Variants in MAGEB6B observed in about 807,000 individuals in gnomAD.
MAGEB6B encodes the protein MAGE family member B6B, also known as melanoma-associated antigen B6B.
For missense variants in MAGEB6B, 277 were observed against 251.5 expected (o/e 1.10, Z -0.69); for synonymous variants, 107 against 102.3 (o/e 1.05, Z -0.27).
In MAGEB6B at chrX:26,161,111, A is replaced by C. The variant is rs754856513; in HGVS notation, c.511A>C (p.Lys171Gln). 419 of 1,020,079 alleles carry C rather than the reference A, an allele frequency of 4.1e-4. 4 individuals carry two copies. In the East Asian group the frequency reaches 0.013, roughly 31 times the overall value. The allele number at this position is 1,020,079 out of a possible 1,213,427, so 84.1% of individuals were successfully genotyped here. A position where few individuals can be genotyped will look rare whatever the true frequency, so the allele number is the denominator to read the frequency against. Residue 171 changes from lysine to glutamine, a missense_variant, in exon 1 of 1, where the codon AAG (lysine) becomes CAG (glutamine). Physicochemically the swap from Lys to Gln is moderately conservative, Grantham distance 53. Transcript: ENST00000416929. ...AGGCTCAAAATCTGATGTGGCTGCC[A>C]AGGGTCAAGATGAGGAAAGTTTAAG... is the stretch of plus-strand genomic sequence containing the variant.
chrX:26,161,763 C>A, exon 1 of MAGEB6B: 1 of 1,210,924 alleles, frequency 8.3e-7, no homozygotes, highest in Non-Finnish European at 1.1e-6. Context: ...GGTTTATACC[C>A]ACATCTGTAT....
exon 1 of MAGEB6B, chrX:26,161,075 G>T (rs777085526): frequency 1.8e-6 from 2 of 1,122,266 alleles, no homozygotes; most frequent in Non-Finnish European, 2.5e-6. Context: ...CTCGCCTGAT[G>T]CAGATGTTTC....
chrX:26,161,073 A>T (rs1246081512), exon 1 of MAGEB6B: 3 of 1,120,641 alleles, frequency 2.7e-6, no homozygotes, highest in Non-Finnish European at 2.5e-6. Flanking sequence ...GGCTCGCCTG[A>T]TGCAGATGTT....
exon 1 of MAGEB6B, chrX:26,161,036 C>A (rs1022242206): frequency 2.9e-6 from 3 of 1,042,523 alleles, no homozygotes; most frequent in Non-Finnish European, 2.7e-6. Context: ...CTCTGTTCCT[C>A]AGGAGTCTCA....
chrX:26,161,927 T>G (rs1928696494), downstream of MAGEB6B: 3 of 803,985 alleles, frequency 3.7e-6, no homozygotes, highest in Admixed American at 8.4e-5. Context: ...TCGCTTTATG[T>G]TAGAAGAGAG....
chrX:26,160,897 T>G (rs1273037249), exon 1 of MAGEB6B: 1 of 603,101 alleles, frequency 1.7e-6, no homozygotes, highest in Non-Finnish European at 2.9e-6. Context: ...CCTCCCGTGA[T>G]GCCTCCGTTT....
downstream of MAGEB6B, among the ~76,000 whole-genome samples, chrX:26,162,241 A>C (rs1373101960): frequency 6.2e-5 from 7 of 112,266 alleles, no homozygotes; most frequent in Non-Finnish European, 1.3e-4. Context: ...ATAATAGAGA[A>C]GGGACTTTGA....
chrX:26,161,270 C>T (rs751620886), exon 1 of MAGEB6B: 5 of 668,092 alleles, frequency 7.5e-6, no homozygotes, highest in Non-Finnish European at 1.0e-5. Context: ...CATGCTGAAG[C>T]GTCTCCGCAG....
exon 1 of MAGEB6B, chrX:26,160,750 T>C (rs1208534648): frequency 2.8e-5 from 16 of 576,445 alleles, no homozygotes; most frequent in Non-Finnish European, 4.4e-5. Flanking sequence ...TTTGTCAGGG[T>C]GCTCGTCGTA....
chrX:26,160,864 T>A (rs1298186845), exon 1 of MAGEB6B: 1 of 610,245 alleles, frequency 1.6e-6, no homozygotes, highest in Non-Finnish European at 2.9e-6. Context: ...CTGCCATGGG[T>A]CAAGATGAGA....
exon 1 of MAGEB6B, chrX:26,161,219 CAGA>C (rs1425348972): frequency 4.0e-6 from 3 of 749,302 alleles, no homozygotes; most frequent in Non-Finnish European, 6.3e-6. Flanking sequence ...GCAATTCCTG[CAGA>C]AGAAGTTTGA....
exon 1 of MAGEB6B, chrX:26,160,893 G>T: frequency 1.7e-6 from 1 of 601,685 alleles, no homozygotes; most frequent in Non-Finnish European, 2.9e-6. Flanking sequence ...AGTACCTCCC[G>T]TGATGCCTCC....
downstream of MAGEB6B, among the ~76,000 whole-genome samples, chrX:26,162,322 G>T (rs1450671837): frequency 8.9e-6 from 1 of 112,147 alleles, no homozygotes; most frequent in African/African-American, 3.2e-5. Context: ...AGGAAAAACA[G>T]AAATGTAAAA....
chrX:26,162,276 T>TA (rs1928701410), downstream of MAGEB6B, among the ~76,000 whole-genome samples: 1 of 112,174 alleles, frequency 8.9e-6, no homozygotes, highest in Non-Finnish European at 1.9e-5. Flanking sequence ...AACTCCACAG[T>TA]AAAATAGTTG....
exon 1 of MAGEB6B, chrX:26,161,143 C>G: frequency 1.2e-6 from 1 of 851,795 alleles, no homozygotes; most frequent in Middle Eastern, 2.7e-4. Flanking sequence ...TAAGCTCCTC[C>G]AAGAGAGCTG....
At chrX:26,161,473 C>A (rs774746825) in exon 1 of MAGEB6B, 1 of 1,183,741 alleles carries the variant, frequency 8.4e-7, no homozygotes, top group Non-Finnish European at 1.1e-6. Context: ...TGATGTCGAT[C>A]CTGGGTTTGA....
chrX:26,160,982 G>A lies in MAGEB6B; in HGVS notation c.382G>A (p.Ala128Thr). 5.6e-6 allele frequency: 4 copies of A among 715,504 alleles called. No individual in the cohort carries two copies. In the South Asian group the frequency reaches 8.5e-5, roughly 15 times the overall value. The allele number at this position is 715,504 out of a possible 1,213,427, so 59.0% of individuals were successfully genotyped here. A position where few individuals can be genotyped will look rare whatever the true frequency, so the allele number is the denominator to read the frequency against. ...TTCATGCTCAAAATCTGATGAGGCT[G>A]CCAAGGGTCAAAATGAGAAAAGTCC... Residue 128 changes from alanine to threonine, a missense_variant, in exon 1 of 1, where the codon GCC (alanine) becomes ACC (threonine). Physicochemically the swap from Ala to Thr is moderately conservative, Grantham distance 58 (BLOSUM62 0). Transcript: ENST00000416929.
exon 1 of MAGEB6B, chrX:26,160,960 A>C (rs776392279): frequency 3.0e-5 from 20 of 657,076 alleles, no homozygotes; most frequent in Admixed American, 2.7e-4. Flanking sequence ...CAGGTATTTC[A>C]TGCTCAAAAT....
rs777950806 is a variant in MAGEB6B at position 26,160,904 on chromosome X, G to T, written c.304G>T (p.Val102Phe). Residue 102 changes from valine (V) to phenylalanine (F), a missense_variant, in exon 1 of 1, where the codon GTT (valine) becomes TTT (phenylalanine). By Grantham distance (50) the Val-to-Phe change is conservative (BLOSUM62 -1). Transcript: ENST00000416929. ...TCCTAGTACCTCCCGTGATGCCTCC[G>T]TTTCTCAAGAGTCTCAGGGAGCTTC... is the stretch of plus-strand genomic sequence containing the variant. The T allele has an allele frequency of 2.8e-5, 17 of 604,038 alleles. No individual in the cohort carries two copies. The East Asian group carries it at 5.5e-4, about 20-fold the overall frequency. The allele number at this position is 604,038 out of a possible 1,213,427, so 49.8% of individuals were successfully genotyped here. A position where few individuals can be genotyped will look rare whatever the true frequency, so the allele number is the denominator to read the frequency against.
Sources: gnomAD v4.1 joint callset for allele counts (sites outside exome capture counted in the v4.1 genomes callset) on GRCh38, gnomAD v4.1.1 for gene constraint, MANE v1.5 for transcripts, NCBI Gene and HGNC (gene_info 2026-07-23, HGNC 2026-07-21) for gene names.